Variants in CYP4X1 observed in about 807,000 individuals in gnomAD.
CYP4X1 encodes the protein cytochrome P450 4X1.
In CYP4X1, 44 loss-of-function variants were observed where a neutral mutation model predicts 57.9. The ratio of observed to expected loss-of-function variants is 0.76; its 90% CI spans 0.60 to 0.98. The LOEUF (loss-of-function observed/expected upper bound fraction) is 0.98, where lower values mean the gene tolerates loss of function less well. Among genes scored for constraint, CYP4X1 ranks in the 50% least tolerant of loss-of-function variants. The pLI is 0.00. For missense variants in CYP4X1, 532 were observed against 623.9 expected (o/e 0.85, Z 1.57); for synonymous variants, 227 against 228.6 (o/e 0.99, Z 0.06).
chr1:46,984,170 G>A, the CYP4X1 span, among the ~76,000 whole-genome samples: 1 of 151,982 alleles, frequency 6.6e-6, no homozygotes, highest in Admixed American at 6.5e-5. Flanking sequence ...GTTTGCAAAC[G>A]TCTAAGGCAG....
the CYP4X1 span, among the ~76,000 whole-genome samples, chr1:46,968,157 G>C: frequency 6.6e-6 from 1 of 152,138 alleles, no homozygotes; most frequent in Admixed American, 6.5e-5. Flanking sequence ...GCACTTTGTG[G>C]ATGGATGGTC....
chr1:47,031,681 C>T (rs551792868), intron 3 of CYP4X1, among the ~76,000 whole-genome samples: 3 of 152,198 alleles, frequency 2.0e-5, no homozygotes, highest in Non-Finnish European at 2.9e-5. Flanking sequence ...CTTCTTCATC[C>T]GTTTCTCTCC....
At position 47,049,485 on chromosome 1, in the gene CYP4X1, C is replaced by CTT. The variant is rs1644338587; in HGVS notation, c.1336_1337insTT (p.Pro446LeufsTer17). 1.2e-6 allele frequency: 2 copies of CTT among 1,613,908 alleles called. No homozygotes were observed. The highest frequency in any genetic ancestry group is 1.7e-6 in the Non-Finnish European group (2 of 1,179,972). On this transcript the variant is annotated frameshift_variant, in exon 11 of 12. Coordinates refer to ENST00000371901, the MANE Select transcript of CYP4X1 (RefSeq NM_178033.2). LOFTEE classifies it high-confidence loss of function. ...TCAGAGACACCCCTATGCCTACTTA[C>CTT]CATTCTCAGCTGGATCAAGGTGAGA... is the stretch of plus-strand genomic sequence containing the variant.
the CYP4X1 span, among the ~76,000 whole-genome samples, chr1:46,995,870 C>T: frequency 2.0e-5 from 3 of 152,226 alleles, no homozygotes; most frequent in East Asian, 1.9e-4. Context: ...TTCTGTTGCT[C>T]CTTTTCCTCA....
At chr1:47,001,595 T>C in the CYP4X1 span, among the ~76,000 whole-genome samples, 1 of 152,124 alleles carries the variant, frequency 6.6e-6, no homozygotes, top group Non-Finnish European at 1.5e-5. Context: ...CCCACCTGCC[T>C]CCCACTCCAG....
At chr1:46,964,647 C>T in the CYP4X1 span, among the ~76,000 whole-genome samples, 23 of 152,162 alleles carry the variant, frequency 1.5e-4, no homozygotes, top group African/African-American at 5.6e-4. Flanking sequence ...TCAGTCTGCC[C>T]CTACTGGGGG....
the CYP4X1 span, among the ~76,000 whole-genome samples, chr1:47,009,018 A>G: frequency 6.6e-6 from 1 of 152,196 alleles, no homozygotes; most frequent in Non-Finnish European, 1.5e-5. Flanking sequence ...ACGAAACAGA[A>G]AGTTAACAAG....
the CYP4X1 span, among the ~76,000 whole-genome samples, chr1:47,016,883 T>A: frequency 6.6e-6 from 1 of 152,226 alleles, no homozygotes; most frequent in Non-Finnish European, 1.5e-5. Flanking sequence ...CTGGTAATTA[T>A]CCTTCTATTC....
intron 6 of CYP4X1, among the ~76,000 whole-genome samples, chr1:47,036,929 A>G (rs1644189648): frequency 6.6e-6 from 1 of 152,240 alleles, no homozygotes; most frequent in African/African-American, 2.4e-5. Context: ...TTTGCAAGAC[A>G]CACCAACATA....
the CYP4X1 span, chr1:46,968,023 G>A: frequency 8.0e-6 from 2 of 248,980 alleles, no homozygotes; most frequent in Non-Finnish European, 7.6e-6. Flanking sequence ...ACTGTAGGGT[G>A]AGGGTGGGCC....
the CYP4X1 span, among the ~76,000 whole-genome samples, chr1:46,988,748 A>G: frequency 3.9e-5 from 6 of 152,188 alleles, no homozygotes; most frequent in Non-Finnish European, 8.8e-5. Context: ...ATCAATAAAT[A>G]TAATGCATCA....
At chr1:47,047,756 G>A (rs898358921) in intron 9 of CYP4X1, among the ~76,000 whole-genome samples, 3 of 151,868 alleles carry the variant, frequency 2.0e-5, no homozygotes, top group Non-Finnish European at 4.4e-5. Context: ...TGCACACCAC[G>A]CCTGGCAAAT....
chr1:46,966,537 G>A, the CYP4X1 span, among the ~76,000 whole-genome samples: 1 of 152,074 alleles, frequency 6.6e-6, no homozygotes, highest in African/African-American at 2.4e-5. Context: ...TTGGCTCTGT[G>A]CCACTTCTGG....
intron 11 of CYP4X1, 69 bp downstream of exon 11, chr1:47,049,573 C>T (rs150336019): frequency 7.4e-4 from 984 of 1,322,880 alleles, no homozygotes; most frequent in Non-Finnish European, 9.9e-4. Flanking sequence ...TTCCTTTCAG[C>T]TCCTCAGCTC....
the CYP4X1 span, among the ~76,000 whole-genome samples, chr1:46,980,179 G>C: frequency 6.6e-6 from 1 of 152,174 alleles, no homozygotes; most frequent in Non-Finnish European, 1.5e-5. Flanking sequence ...AAAAGATGAA[G>C]TCAAATTGTC....
At chr1:46,970,077 T>C in the CYP4X1 span, among the ~76,000 whole-genome samples, 1 of 152,210 alleles carries the variant, frequency 6.6e-6, no homozygotes, top group East Asian at 1.9e-4. Context: ...ATGATTCAAC[T>C]CTATGTAGAC....
the CYP4X1 span, among the ~76,000 whole-genome samples, chr1:46,986,947 AT>A: frequency 6.6e-6 from 1 of 152,234 alleles, no homozygotes; most frequent in East Asian, 1.9e-4. Flanking sequence ...AAGACAATTG[AT>A]ACTATGAAGA....
chr1:46,967,555 G>C, the CYP4X1 span: 1 of 242,322 alleles, frequency 4.1e-6, no homozygotes, highest in African/African-American at 2.3e-5. Context: ...ATGGAGTACA[G>C]AAGGGAGGAT....
rs1365436457 is a variant in CYP4X1, at chr1:47,031,316, G to A, written c.320-120G>A. The A allele has an allele frequency of 1.3e-5, 15 of 1,189,370 alleles. No individual in the cohort carries two copies. In the Admixed American group the frequency reaches 2.7e-4, roughly 22 times the overall value. 73.7% of individuals were successfully genotyped at this position (1,189,370 alleles called of 1,614,324 possible). On this transcript the variant is annotated intron_variant, in intron 2 of 11. Transcript: ENST00000371901. ...CAAAGGCAGCAGGAAGTAAGCCCTG[G>A]GCTCTCTTTTTCTCACTTTTTGTGG... is the stretch of plus-strand genomic sequence containing the variant.
Sources: gnomAD v4.1 joint callset for allele counts (sites outside exome capture counted in the v4.1 genomes callset) on GRCh38, gnomAD v4.1.1 for gene constraint, MANE v1.5 for transcripts, NCBI Gene and HGNC (gene_info 2026-07-23, HGNC 2026-07-21) for gene names.